Variants in MKLN1 observed in about 807,000 individuals in gnomAD.
MKLN1 encodes muskelin.
A neutral mutation model predicts 99.0 loss-of-function variants in MKLN1; 18 were observed. That is an observed-to-expected ratio of 0.18 (90% CI 0.13 to 0.27). The LOEUF (loss-of-function observed/expected upper bound fraction) is 0.27. Ranked by LOEUF, MKLN1 falls within the 10% of genes least tolerant of loss-of-function variation. The pLI is 1.00. For synonymous variants in MKLN1, 288 were observed against 293.2 expected (o/e 0.98, Z 0.18); for missense variants, 621 against 875.9 (o/e 0.71, Z 3.67).
At chr7:131,273,581 C>T (rs1015035245) in intron 3 of MKLN1, among the ~76,000 whole-genome samples, 1 of 151,402 alleles carries the variant, frequency 6.6e-6, no homozygotes, top group Admixed American at 6.6e-5. Context: ...CAGAGCAAAG[C>T]TTTGTCTGTC....
intron 6 of MKLN1, among the ~76,000 whole-genome samples, chr7:131,410,639 G>A (rs1794846370): frequency 6.6e-6 from 1 of 152,114 alleles, no homozygotes; most frequent in Non-Finnish European, 1.5e-5. Flanking sequence ...ACAAAGCACT[G>A]TTGGGGGAAA....
chr7:131,255,706 G>T (rs1287287499), intron 3 of MKLN1, among the ~76,000 whole-genome samples: 1 of 151,766 alleles, frequency 6.6e-6, no homozygotes, highest in Non-Finnish European at 1.5e-5. Flanking sequence ...AGCCTCCTGA[G>T]CAGCTGGGAT....
At chr7:131,133,852 G>A (rs1484455034) in intron 1 of MKLN1, among the ~76,000 whole-genome samples, 3 of 66,680 alleles carry the variant, frequency 4.5e-5, no homozygotes, top group African/African-American at 1.1e-4. Context: ...TTTTTGAGAC[G>A]AAGTTTTGCT....
intron 5 of MKLN1, 102 bp downstream of exon 5, chr7:131,397,478 TAAC>T (rs1243156591): frequency 6.3e-6 from 4 of 638,570 alleles, no homozygotes; most frequent in Non-Finnish European, 1.0e-5. Context: ...AAAATAATAA[TAAC>T]AACAGTTAGC....
intron 3 of MKLN1, among the ~76,000 whole-genome samples, chr7:131,292,080 C>G (rs1798227732): frequency 1.3e-5 from 2 of 152,116 alleles, no homozygotes; most frequent in Admixed American, 1.3e-4. Flanking sequence ...GCACTCCAGC[C>G]TGGACAACAG....
Position 131,459,740 on chromosome 7 carries a change from TA to T in MKLN1, c.1526-3467del, listed in dbSNP as rs202056708. ...TCTATATATCTACATGCCATCTTTT[TA>T]AAAAAAAAACAACATAGATATATGT... On this transcript the variant is annotated intron_variant, in intron 12 of 17. Coordinates refer to ENST00000352689, the MANE Select transcript of MKLN1 (RefSeq NM_013255.5). Among the ~76,000 whole-genome samples, 36 of 150,288 alleles carry T rather than the reference TA, an allele frequency of 2.4e-4. No individual in the cohort carries two copies. The East Asian group carries it at 4.4e-3, about 19-fold the overall frequency.
chr7:131,418,392 A>AT (rs1326738927), intron 8 of MKLN1, among the ~76,000 whole-genome samples: 3 of 150,742 alleles, frequency 2.0e-5, no homozygotes, highest in Non-Finnish European at 3.0e-5. Flanking sequence ...AAAAAAAAAA[A>AT]GAGAGATAAA....
intron 1 of MKLN1, among the ~76,000 whole-genome samples, chr7:131,112,472 C>A (rs1795215773): frequency 6.6e-6 from 1 of 152,190 alleles, no homozygotes; most frequent in Non-Finnish European, 1.5e-5. Context: ...TTACCTTGCT[C>A]CCCATGTACT....
At chr7:131,353,125 A>G (rs1799768177) in intron 1 of MKLN1, among the ~76,000 whole-genome samples, 1 of 152,156 alleles carries the variant, frequency 6.6e-6, no homozygotes, top group African/African-American at 2.4e-5. Flanking sequence ...TTTCCCTAGG[A>G]AAAATGCCGA....
intron 12 of MKLN1, among the ~76,000 whole-genome samples, chr7:131,454,921 C>T (rs985594215): frequency 7.9e-5 from 12 of 152,152 alleles, no homozygotes; most frequent in Admixed American, 7.9e-4. Flanking sequence ...AACCTAGCAC[C>T]ATGATTTGGT....
intron 3 of MKLN1, among the ~76,000 whole-genome samples, chr7:131,295,291 G>GCCA (rs1193222310): frequency 6.6e-6 from 1 of 152,090 alleles, no homozygotes; most frequent in African/African-American, 2.4e-5. Context: ...ATGGGCATGA[G>GCCA]CCACCATGCC....
intron 3 of MKLN1, among the ~76,000 whole-genome samples, chr7:131,214,374 A>T (rs1312287497): frequency 6.6e-6 from 1 of 152,136 alleles, no homozygotes; most frequent in Non-Finnish European, 1.5e-5. Context: ...GGGGTGGGTA[A>T]GTTTTCCTCA....
At chr7:131,268,962 C>T (rs1797847114) in intron 3 of MKLN1, among the ~76,000 whole-genome samples, 1 of 152,198 alleles carries the variant, frequency 6.6e-6, no homozygotes, top group South Asian at 2.1e-4. Context: ...CAAACTGGAA[C>T]TTAACTTGTT....
Position 131,487,476 on chromosome 7 carries a change from C to T in MKLN1, c.2087-131C>T. ...CCAGGTAGTAGAACTGGGGTCAGATCAGTAGTGTCTGCCTGGTTTTGAAGC... is the reference window on the plus strand; with the variant it reads ...CCAGGTAGTAGAACTGGGGTCAGATTAGTAGTGTCTGCCTGGTTTTGAAGC... On this transcript the variant is annotated intron_variant, in intron 17 of 17. Coordinates refer to ENST00000352689, the MANE Select transcript of MKLN1 (RefSeq NM_013255.5). This position sits in a 1 kb window ranked among gnomAD's most constrained non-coding sequence, Gnocchi z 4.7. The T allele has an allele frequency of 2.1e-6, 2 of 944,902 alleles. No individual in the cohort carries two copies. Among genetic ancestry groups the T allele is most frequent in the Non-Finnish European group, 1.6e-6 (1 of 640,386 alleles). 58.5% of individuals were successfully genotyped at this position (944,902 alleles called of 1,614,324 possible).
At chr7:131,155,250 G>C (rs1795946573) in intron 2 of MKLN1, among the ~76,000 whole-genome samples, 2 of 152,136 alleles carry the variant, frequency 1.3e-5, no homozygotes, top group Non-Finnish European at 2.9e-5. Context: ...GTATATGGAA[G>C]AGCTATTTCA....
At chr7:131,444,459 A>AC (rs34312842) in intron 11 of MKLN1, among the ~76,000 whole-genome samples, 2 of 151,814 alleles carry the variant, frequency 1.3e-5, no homozygotes, top group African/African-American at 4.8e-5. Context: ...TAGTAGGAGC[A>AC]CCCCCCACAA....
At position 131,488,850 on chromosome 7, in the gene MKLN1, T is replaced by C. The variant is rs1450903564; in HGVS notation, c.*1122T>C. The C allele has an allele frequency of 6.6e-6, 1 of 152,130 alleles. No homozygotes were observed. The highest frequency in any genetic ancestry group is 1.9e-4 in the East Asian group (1 of 5,200). 9.4% of individuals were successfully genotyped at this position (152,130 alleles called of 1,614,324 possible). On this transcript the variant is annotated 3_prime_UTR_variant, in exon 18 of 18. Coordinates refer to ENST00000352689, the MANE Select transcript of MKLN1 (RefSeq NM_013255.5). ...CCAGACTTTGTGAATGGTTCAGATA[T>C]TTTTTCATTAAAAAACAAGGTATGG...
At chr7:131,325,903 G>GC (rs1798876853), upstream of MKLN1, among the ~76,000 whole-genome samples, 1 of 149,520 alleles carries the variant, frequency 6.7e-6, no homozygotes, top group African/African-American at 2.4e-5. Flanking sequence ...AGAAAAGTGG[G>GC]GGGGGGGTGG....
At chr7:131,456,267 G>A (rs1159158061) in intron 12 of MKLN1, among the ~76,000 whole-genome samples, 1 of 151,606 alleles carries the variant, frequency 6.6e-6, no homozygotes, top group Non-Finnish European at 1.5e-5. Context: ...TAAAAGTAAT[G>A]CAGTTCACAT....
Sources: gnomAD v4.1 joint callset for allele counts (sites outside exome capture counted in the v4.1 genomes callset) on GRCh38, gnomAD v4.1.1 for gene constraint, Gnocchi (gnomAD v3.1) non-coding constraint, MANE v1.5 for transcripts, NCBI Gene and HGNC (gene_info 2026-07-23, HGNC 2026-07-21) for gene names.